STAU2: variants seen among roughly 807,000 people sequenced by gnomAD.
STAU2 encodes staufen double-stranded RNA binding protein 2, also known as double-stranded RNA-binding protein Staufen homolog 2.
STAU2 carries 20 observed loss-of-function variants against 65.9 expected under a neutral mutation model. The observed-to-expected ratio is 0.30, with a 90% CI of 0.21 to 0.44. The LOEUF is 0.44. STAU2 is among the 20% of genes least tolerant of loss of function. STAU2 has a pLI of 1.00. For missense variants in STAU2, 558 were observed against 683.9 expected, an observed-to-expected ratio of 0.82 and a Z score of 2.05; for synonymous variants, 232 against 233.9, an observed-to-expected ratio of 0.99 and a Z score of 0.07.
chr8:73,739,426 A>G (rs1173303324), intron 2 of STAU2, among the ~76,000 whole-genome samples: 1 of 152,078 alleles, frequency 6.6e-6, no homozygotes, highest in African/African-American at 2.4e-5. Context: ...CAAAAGGCCT[A>G]TATCTAATCA....
intron 11 of STAU2, among the ~76,000 whole-genome samples, chr8:73,583,666 T>TA (rs1196357140): frequency 6.6e-6 from 1 of 151,226 alleles, no homozygotes; most frequent in Non-Finnish European, 1.5e-5. Flanking sequence ...ATAAAAAAAA[T>TA]AAAAAAATAA....
intron 9 of STAU2, among the ~76,000 whole-genome samples, chr8:73,610,592 T>A (rs984867042): frequency 9.3e-5 from 14 of 150,416 alleles, no homozygotes; most frequent in African/African-American, 3.4e-4. Context: ...GGTTTCTTGC[T>A]CTGATTGAAA....
intron 1 of STAU2, among the ~76,000 whole-genome samples, chr8:73,741,767 C>G (rs886821281): frequency 1.3e-5 from 2 of 152,174 alleles, no homozygotes; most frequent in Non-Finnish European, 2.9e-5. Context: ...TCTGCCTCGG[C>G]CTCCCAAAGT....
At chr8:73,468,861 T>C (rs1819811077) in intron 13 of STAU2, among the ~76,000 whole-genome samples, 1 of 152,226 alleles carries the variant, frequency 6.6e-6, no homozygotes, top group Admixed American at 6.5e-5. Context: ...TTGGTGGGAC[T>C]GTAAACTAGT....
At chr8:73,610,476 C>A (rs1812365252) in intron 9 of STAU2, among the ~76,000 whole-genome samples, 1 of 147,876 alleles carries the variant, frequency 6.8e-6, no homozygotes, top group Non-Finnish European at 1.5e-5. Flanking sequence ...GCAGAAGTTG[C>A]AGCCAGCCAA....
upstream of STAU2, chr8:73,747,382 C>T (rs963431725): frequency 2.0e-5 from 31 of 1,535,416 alleles, no homozygotes; most frequent in African/African-American, 3.8e-4. Context: ...ATTCCCCGCT[C>T]GTACCTTTCC....
At chr8:73,747,330 C>G (rs1193601793), upstream of STAU2, 5 of 1,523,170 alleles carry the variant, frequency 3.3e-6, no homozygotes, top group South Asian at 6.0e-5. Flanking sequence ...CTTCCCCGCC[C>G]GACTGACCGT....
chr8:73,730,942 T>A (rs1361380553), intron 3 of STAU2, among the ~76,000 whole-genome samples: 1 of 152,114 alleles, frequency 6.6e-6, no homozygotes, highest in Non-Finnish European at 1.5e-5. Context: ...CATTGTTGGG[T>A]TCTGAATTTT....
At chr8:73,446,695 G>A (rs1585774379) in intron 13 of STAU2, among the ~76,000 whole-genome samples, 1 of 151,794 alleles carries the variant, frequency 6.6e-6, no homozygotes, top group Admixed American at 6.6e-5. Context: ...GGCTAGTCTC[G>A]AACTCCTTGC....
chr8:73,679,319 T>C (rs1200354490), intron 5 of STAU2, among the ~76,000 whole-genome samples: 1 of 152,154 alleles, frequency 6.6e-6, no homozygotes, highest in African/African-American at 2.4e-5. Context: ...AAACAGCATG[T>C]GGAGACTCAC....
chr8:73,662,812 C>T (rs2130335969), intron 6 of STAU2, among the ~76,000 whole-genome samples: 1 of 152,240 alleles, frequency 6.6e-6, no homozygotes, highest in Non-Finnish European at 1.5e-5. Flanking sequence ...GACAGGTTTT[C>T]TCCATGTTGG....
At chr8:73,627,218 G>GA in intron 6 of STAU2, among the ~76,000 whole-genome samples, 2 of 49,068 alleles carry the variant, frequency 4.1e-5, no homozygotes, top group Admixed American at 1.7e-4. Flanking sequence ...CGGGGGGGGG[G>GA]GGGGAGGGGG....
chr8:73,610,833 C>T (rs993139322), intron 9 of STAU2, among the ~76,000 whole-genome samples: 2 of 152,136 alleles, frequency 1.3e-5, no homozygotes, highest in Non-Finnish European at 2.9e-5. Context: ...CAGGATAACC[C>T]TATACAGTGA....
chr8:73,576,391 G>A (rs963838993), intron 12 of STAU2, among the ~76,000 whole-genome samples: 7 of 151,692 alleles, frequency 4.6e-5, no homozygotes, highest in Non-Finnish European at 7.4e-5. Context: ...ACCATACGAC[G>A]CTATTTTTCT....
chr8:73,600,122 A>G (rs1811523310), intron 10 of STAU2, among the ~76,000 whole-genome samples: 1 of 152,296 alleles, frequency 6.6e-6, no homozygotes, highest in East Asian at 1.9e-4. Context: ...AACTGGGAGA[A>G]TATACAACAA....
At chr8:73,422,150 T>C (rs73686948) in intron 14 of STAU2, among the ~76,000 whole-genome samples, 160 of 152,284 alleles carry the variant, frequency 1.1e-3, no homozygotes, top group African/African-American at 3.7e-3. Context: ...TGGTGTTTCA[T>C]AGAAAACAAC....
chr8:73,444,613 TC>T (rs1405967787), intron 13 of STAU2, among the ~76,000 whole-genome samples: 2 of 152,048 alleles, frequency 1.3e-5, no homozygotes, highest in Admixed American at 1.3e-4. Flanking sequence ...CTCTGTTCTA[TC>T]CCCCCATGGT....
intron 4 of STAU2, among the ~76,000 whole-genome samples, chr8:73,704,441 CATA>C (rs771765651): frequency 6.6e-5 from 10 of 152,060 alleles, no homozygotes; most frequent in Non-Finnish European, 1.5e-4. Context: ...CCATGTATTA[CATA>C]ATATTTGGGC....
At chr8:73,724,774 A>T (rs1239562938) in intron 3 of STAU2, among the ~76,000 whole-genome samples, 3 of 149,334 alleles carry the variant, frequency 2.0e-5, no homozygotes, top group African/African-American at 7.4e-5. Flanking sequence ...TGCAGCCTTG[A>T]CCTCCTGGGC....
Sources: allele counts gnomAD v4.1 joint callset (sites outside exome capture counted in the v4.1 genomes callset), GRCh38; gene constraint gnomAD v4.1.1; transcripts MANE v1.5; gene names NCBI Gene and HGNC (gene_info 2026-07-23, HGNC 2026-07-21).